The following SEPTIN6 variants were observed in gnomAD, a reference collection of about 807,000 sequenced individuals.
The protein encoded by SEPTIN6 is septin-6.
Under a neutral mutation model 33.6 loss-of-function variants are expected in SEPTIN6, and 8 were observed. That is an observed-to-expected ratio of 0.24 (90% confidence interval 0.14 to 0.43). The LOEUF is 0.43. Among genes scored for constraint, SEPTIN6 ranks in the 20% least tolerant of loss-of-function variants. The pLI, the probability that SEPTIN6 is intolerant of heterozygous loss-of-function variation, is 1.00. For missense variants in SEPTIN6, 250 were observed against 340.8 expected, an observed-to-expected ratio of 0.73 and a Z score of 2.10; for synonymous variants, 131 against 140.0, an observed-to-expected ratio of 0.94 and a Z score of 0.45.
intron 9 of SEPTIN6, among the ~76,000 whole-genome samples, chrX:119,628,404 G>A (rs2053893756): frequency 9.1e-6 from 1 of 110,103 alleles, no homozygotes; most frequent in South Asian, 3.8e-4. Context: ...TCAGCCTCCT[G>A]AGTAGCTGGG....
chrX:119,673,248 A>G (rs2054777114), intron 2 of SEPTIN6, among the ~76,000 whole-genome samples: 1 of 111,336 alleles, frequency 9.0e-6, no homozygotes, highest in South Asian at 3.8e-4. Context: ...CTGTAATCCC[A>G]GCTACTTTGG....
chrX:119,642,115 T>C (rs2054166823), intron 5 of SEPTIN6, among the ~76,000 whole-genome samples: 1 of 101,605 alleles, frequency 9.8e-6, no homozygotes, highest in African/African-American at 3.7e-5. Context: ...GAAGTGGAGG[T>C]TGCAGTGAGC....
At chrX:119,687,092 A>G (rs1353150719) in intron 1 of SEPTIN6, among the ~76,000 whole-genome samples, 5 of 111,977 alleles carry the variant, frequency 4.5e-5, no homozygotes, top group African/African-American at 1.6e-4. Flanking sequence ...CATTAAATAA[A>G]GGGAACAGTA....
At chrX:119,643,171 G>A (rs1402970181) in intron 5 of SEPTIN6, among the ~76,000 whole-genome samples, 2 of 110,366 alleles carry the variant, frequency 1.8e-5, no homozygotes, top group Admixed American at 9.7e-5. Context: ...CGGGAGCCTC[G>A]AATCCACCCC....
At chrX:119,667,055 CCATGGAACAGAAGGGAGCA>C (rs1372925820) in intron 2 of SEPTIN6, among the ~76,000 whole-genome samples, 1 of 111,084 alleles carries the variant, frequency 9.0e-6, no homozygotes, top group Non-Finnish European at 1.9e-5. Context: ...CAACTCCCTC[CCATGGAACAGAAGGGAGCA>C]CATGGAACAG....
At chrX:119,647,480 T>TCC (rs2054280993) in intron 5 of SEPTIN6, among the ~76,000 whole-genome samples, 1 of 73,790 alleles carries the variant, frequency 1.4e-5, no homozygotes, top group Non-Finnish European at 2.4e-5. Context: ...CCTTTCTCTC[T>TCC]CTCTTTTTTT....
chrX:119,622,533 G>T (rs1224048974), intron 10 of SEPTIN6, among the ~76,000 whole-genome samples: 1 of 111,755 alleles, frequency 8.9e-6, no homozygotes, highest in African/African-American at 3.3e-5. Flanking sequence ...CTGCCAGGAA[G>T]AGCCAACCTA....
At chrX:119,673,858 A>AG (rs1204419465) in intron 2 of SEPTIN6, among the ~76,000 whole-genome samples, 2 of 108,282 alleles carry the variant, frequency 1.8e-5, no homozygotes, top group South Asian at 3.9e-4. Flanking sequence ...AAAAAAAAAA[A>AG]AAAGAAAGAA....
intron 2 of SEPTIN6, 104 bp from the exon 3 acceptor site, chrX:119,663,781 G>T: frequency 1.5e-6 from 1 of 658,034 alleles, no homozygotes; most frequent in Non-Finnish European, 2.3e-6. Flanking sequence ...AAATGAACAT[G>T]ATAAAACATA....
intron 1 of SEPTIN6, among the ~76,000 whole-genome samples, chrX:119,685,764 C>A (rs909520740): frequency 1.8e-5 from 2 of 111,399 alleles, no homozygotes; most frequent in Non-Finnish European, 3.8e-5. Flanking sequence ...GTCAAGGAAC[C>A]GAATCTGGAA....
Position 119,617,336 on chromosome X carries a change from T to A in SEPTIN6, c.*2757A>T. On this transcript the variant is annotated 3_prime_UTR_variant, in exon 11 of 11. Transcript: ENST00000394610. ...GTCTACAGTGAGAAAAGCTACCCAA[T>A]GAAATACACATTTTAATAGGTTGAT... The A allele has an allele frequency of 1.2e-6, 1 of 805,449 alleles. No individual in the cohort carries two copies. The highest frequency in any genetic ancestry group is 1.5e-6 in the Non-Finnish European group (1 of 670,677). The allele number at this position is 805,449 out of a possible 1,213,427, so 66.4% of individuals were successfully genotyped here. A position where few individuals can be genotyped will look rare whatever the true frequency, so the allele number is the denominator to read the frequency against.
chrX:119,652,286 A>G (rs2054363978), intron 4 of SEPTIN6, among the ~76,000 whole-genome samples: 2 of 111,289 alleles, frequency 1.8e-5, no homozygotes, highest in African/African-American at 6.5e-5. Context: ...GCATGGAAGC[A>G]TTATAACATG....
chrX:119,620,986 C>T (rs1439261718), intron 10 of SEPTIN6, among the ~76,000 whole-genome samples: 2 of 97,869 alleles, frequency 2.0e-5, no homozygotes, highest in Non-Finnish European at 4.1e-5. Context: ...CACCACCACC[C>T]ACCCCCAGCA....
intron 10 of SEPTIN6, among the ~76,000 whole-genome samples, chrX:119,621,285 G>A (rs983491999): frequency 3.6e-5 from 4 of 110,140 alleles, no homozygotes; most frequent in Non-Finnish European, 5.7e-5. Context: ...ATTGGTTTGT[G>A]CTTAAATAAT....
chrX:119,669,016 ATGAG>A (rs761799028), intron 2 of SEPTIN6, among the ~76,000 whole-genome samples: 2 of 111,518 alleles, frequency 1.8e-5, no homozygotes, highest in South Asian at 7.5e-4. Flanking sequence ...GCTCCCACTT[ATGAG>A]TGAGAACATA....
Position 119,647,483 on chromosome X carries a change from C to CTTTTTTTT in SEPTIN6, c.690+2446_690+2453dup, listed in dbSNP as rs61037430. 5.9e-4 allele frequency among the ~76,000 whole-genome samples: 44 copies of CTTTTTTTT among 74,387 alleles called. 3 individuals carry two copies. Among genetic ancestry groups the CTTTTTTTT allele is most frequent in the African/African-American group, 2.2e-3 (36 of 16,318 alleles). 64.6% of individuals were successfully genotyped at this position (74,387 alleles called of 115,157 possible). On this transcript the variant is annotated intron_variant, in intron 5 of 10. Coordinates refer to ENST00000394610, the MANE Select transcript of SEPTIN6 (RefSeq NM_145799.4). The stretch of plus-strand genomic sequence containing the variant: ...TTTCTTTCCTTTCCTTTCTCTCTCT[C>CTTTTTTTT]TTTTTTTTTTTTTGTGAGACAGGGT...
intron 1 of SEPTIN6, among the ~76,000 whole-genome samples, chrX:119,689,488 T>G (rs1181489517): frequency 1.8e-5 from 2 of 112,117 alleles, no homozygotes; most frequent in East Asian, 2.8e-4. Context: ...CACGAACTTT[T>G]TTTTGTTTTG....
intron 8 of SEPTIN6, among the ~76,000 whole-genome samples, chrX:119,630,252 G>C (rs1468065123): frequency 1.8e-5 from 2 of 112,180 alleles, no homozygotes; most frequent in African/African-American, 3.2e-5. Flanking sequence ...TCCATTTTAT[G>C]AGGAAACAGA....
Position 119,619,181 on chromosome X carries a change from C to G in SEPTIN6, c.*912G>C, listed in dbSNP as rs2053709685. On this transcript the variant is annotated 3_prime_UTR_variant, in exon 11 of 11. Coordinates refer to ENST00000394610, the MANE Select transcript of SEPTIN6 (RefSeq NM_145799.4). ...TTCTTTTGACAGCTCAGTTTTCCAG[C>G]CTACAAAGTGGGATTTATTATTCCT... is the stretch of plus-strand genomic sequence containing the variant. 2.4e-6 allele frequency: 2 copies of G among 837,223 alleles called. No individual in the cohort carries two copies. Among genetic ancestry groups the G allele is most frequent in the African/African-American group, 4.2e-5 (2 of 47,335 alleles). 69.0% of individuals were successfully genotyped at this position (837,223 alleles called of 1,213,427 possible).
Sources: gnomAD v4.1 joint callset for allele counts (sites outside exome capture counted in the v4.1 genomes callset) on GRCh38, gnomAD v4.1.1 for gene constraint, MANE v1.5 for transcripts, NCBI Gene and HGNC (gene_info 2026-07-23, HGNC 2026-07-21) for gene names.